The following UMAD1 variants were observed in gnomAD, a reference collection of about 807,000 sequenced individuals.
UMAD1 encodes the protein UBAP1-MVB12-associated (UMA)-domain containing protein 1.
In UMAD1, 8 loss-of-function variants were observed where a neutral mutation model predicts 6.1. That is an observed-to-expected ratio of 1.30 (90% CI 0.76 to 2.35). The LOEUF is 2.35. UMAD1 is among the 30% of genes most tolerant of loss of function. UMAD1 has a pLI of 0.00. For synonymous variants in UMAD1, 56 were observed against 31.4 expected (o/e 1.78, Z -2.61); for missense variants, 130 against 78.4 (o/e 1.66, Z -2.49).
At chr7:7,859,971 C>CTAAAAA (rs1784084303) in intron 3 of UMAD1, among the ~76,000 whole-genome samples, 3 of 151,992 alleles carry the variant, frequency 2.0e-5, no homozygotes, top group Non-Finnish European at 4.4e-5. Flanking sequence ...TTTAAATTTT[C>CTAAAAA]CTCTTATGAT....
intron 3 of UMAD1, among the ~76,000 whole-genome samples, chr7:7,837,773 T>A (rs1317379687): frequency 2.6e-5 from 4 of 152,148 alleles, no homozygotes; most frequent in Non-Finnish European, 5.9e-5. Flanking sequence ...AAAAGCACAG[T>A]TTATTAGATT....
At chr7:7,795,556 C>A (rs1402527814) in intron 2 of UMAD1, among the ~76,000 whole-genome samples, 1 of 152,124 alleles carries the variant, frequency 6.6e-6, no homozygotes, top group African/African-American at 2.4e-5. Context: ...AATGGCTGCC[C>A]CACAGGCAGA....
At chr7:7,685,203 A>T (rs1165843309) in intron 2 of UMAD1, among the ~76,000 whole-genome samples, 1 of 152,062 alleles carries the variant, frequency 6.6e-6, no homozygotes, top group Non-Finnish European at 1.5e-5. Context: ...GTACTACAAT[A>T]TTCTTTTATA....
intron 2 of UMAD1, among the ~76,000 whole-genome samples, chr7:7,748,474 T>A (rs1041113223): frequency 6.6e-6 from 1 of 152,070 alleles, no homozygotes; most frequent in Non-Finnish European, 1.5e-5. Context: ...CATTTCCAGA[T>A]TGGAATATAA....
chr7:7,778,890 A>G (rs1009612973), intron 2 of UMAD1, among the ~76,000 whole-genome samples: 1 of 152,172 alleles, frequency 6.6e-6, no homozygotes, highest in Admixed American at 6.5e-5. Context: ...ATAAATGCTA[A>G]TAGCAATTTA....
At chr7:7,734,703 C>A (rs1239658256) in intron 2 of UMAD1, among the ~76,000 whole-genome samples, 2 of 152,156 alleles carry the variant, frequency 1.3e-5, no homozygotes, top group Non-Finnish European at 2.9e-5. Flanking sequence ...CTTTTTTGAT[C>A]TCTCTTGTTT....
chr7:7,799,952 C>T (rs371648073), intron 2 of UMAD1, among the ~76,000 whole-genome samples: 124 of 152,310 alleles, frequency 8.1e-4, no homozygotes, highest in Middle Eastern at 6.8e-3. Flanking sequence ...GGCGCGTTCT[C>T]GGCTCACTGC....
intron 2 of UMAD1, among the ~76,000 whole-genome samples, chr7:7,733,859 C>T (rs977522431): frequency 1.3e-5 from 2 of 151,718 alleles, no homozygotes; most frequent in African/African-American, 4.8e-5. Flanking sequence ...TGATTATAGA[C>T]TTCTGTCACA....
At chr7:7,738,022 G>T (rs1781393823) in intron 2 of UMAD1, among the ~76,000 whole-genome samples, 1 of 152,154 alleles carries the variant, frequency 6.6e-6, no homozygotes. Flanking sequence ...AGTTTTTCAT[G>T]TTATCAATTG....
At chr7:7,812,746 G>A (rs1056363171) in intron 3 of UMAD1, among the ~76,000 whole-genome samples, 6 of 150,766 alleles carry the variant, frequency 4.0e-5, no homozygotes, top group Non-Finnish European at 7.4e-5. Flanking sequence ...CACAAAATCA[G>A]CAGGGTGAGA....
intron 3 of UMAD1, among the ~76,000 whole-genome samples, chr7:7,834,223 A>G (rs1253204299): frequency 1.3e-5 from 2 of 150,838 alleles, no homozygotes; most frequent in Non-Finnish European, 3.0e-5. Context: ...GGGTTTCACC[A>G]TGTTGGCCAG....
At chr7:7,689,850 G>A (rs556816454) in intron 2 of UMAD1, among the ~76,000 whole-genome samples, 1 of 152,266 alleles carries the variant, frequency 6.6e-6, no homozygotes, top group Non-Finnish European at 1.5e-5. Context: ...TACCAAGGGA[G>A]ACCATATTAC....
intron 2 of UMAD1, among the ~76,000 whole-genome samples, chr7:7,778,207 G>T (rs1270952099): frequency 6.7e-6 from 1 of 148,478 alleles, no homozygotes. Flanking sequence ...CCGTCATCTT[G>T]GCTTCTCCAA....
At chr7:7,863,446 A>G (rs6463733) in intron 3 of UMAD1, among the ~76,000 whole-genome samples, 70,556 of 151,734 alleles carry the variant, frequency 0.46, 17,042 homozygotes, top group African/African-American at 0.58. Flanking sequence ...AAACTTTGAT[A>G]AAATTGTACC....
chr7:7,816,879 T>G (rs978559850), intron 3 of UMAD1, among the ~76,000 whole-genome samples: 7 of 152,248 alleles, frequency 4.6e-5, no homozygotes, highest in African/African-American at 1.4e-4. Flanking sequence ...TGCCCAGTCC[T>G]ACTTTCATTC....
chr7:7,682,777 T>C (rs1563118510), intron 2 of UMAD1, among the ~76,000 whole-genome samples: 1 of 152,240 alleles, frequency 6.6e-6, no homozygotes, highest in Non-Finnish European at 1.5e-5. Flanking sequence ...ACATTTAATT[T>C]ACTTAGCAGT....
At chr7:7,701,706 T>G (rs1780468074) in intron 2 of UMAD1, among the ~76,000 whole-genome samples, 1 of 152,198 alleles carries the variant, frequency 6.6e-6, no homozygotes, top group African/African-American at 2.4e-5. Flanking sequence ...GGGTATTTAC[T>G]TATGTTTGCC....
At chr7:7,738,287 A>G (rs1781399723) in intron 2 of UMAD1, among the ~76,000 whole-genome samples, 2 of 152,234 alleles carry the variant, frequency 1.3e-5, no homozygotes, top group Non-Finnish European at 1.5e-5. Context: ...AACAAAACAG[A>G]GGCTTGTTCT....
chr7:7,768,821 C>T (rs1338650430), intron 2 of UMAD1, among the ~76,000 whole-genome samples: 2 of 152,154 alleles, frequency 1.3e-5, no homozygotes, highest in Non-Finnish European at 2.9e-5. Context: ...TTTGTACTTT[C>T]TCTTCTTCCC....
Sources: gnomAD v4.1 joint callset for allele counts (sites outside exome capture counted in the v4.1 genomes callset) on GRCh38, gnomAD v4.1.1 for gene constraint, MANE v1.5 for transcripts, NCBI Gene and HGNC (gene_info 2026-07-23, HGNC 2026-07-21) for gene names.